The following DOCK1 variants were observed in gnomAD, a reference collection of about 807,000 sequenced individuals.
DOCK1 encodes the protein dedicator of cytokinesis 1.
In DOCK1, 138 loss-of-function variants were observed where a neutral mutation model predicts 262.7. The ratio of observed to expected loss-of-function variants is 0.53; its 90% CI spans 0.46 to 0.61. The LOEUF is 0.61. Among genes scored for constraint, DOCK1 ranks in the 20% least tolerant of loss-of-function variants. DOCK1 has a pLI of 0.00. For missense variants in DOCK1, 1,908 were observed against 2,370.7 expected, an observed-to-expected ratio of 0.80 and a Z score of 4.05; for synonymous variants, 866 against 867.4, an observed-to-expected ratio of 1.00 and a Z score of 0.03.
At chr10:127,352,866 T>TA (rs1192818284) in intron 31 of DOCK1, among the ~76,000 whole-genome samples, 1 of 152,098 alleles carries the variant, frequency 6.6e-6, no homozygotes, top group Non-Finnish European at 1.5e-5. Flanking sequence ...GTGCTGGGAT[T>TA]ACAGACGTGA....
chr10:127,200,709 A>T (rs2057415268), intron 27 of DOCK1, among the ~76,000 whole-genome samples: 2 of 152,208 alleles, frequency 1.3e-5, no homozygotes, highest in South Asian at 4.1e-4. Flanking sequence ...CGATATTATT[A>T]TCTTTAAAGT....
At chr10:127,162,116 G>T (rs2053641229) in intron 27 of DOCK1, among the ~76,000 whole-genome samples, 1 of 152,148 alleles carries the variant, frequency 6.6e-6, no homozygotes, top group African/African-American at 2.4e-5. Flanking sequence ...CTTTTCTCCA[G>T]CTCTTTCGCC....
intron 27 of DOCK1, among the ~76,000 whole-genome samples, chr10:127,163,624 C>T (rs7908501): frequency 0.31 from 46,849 of 151,898 alleles, 7,685 homozygotes; most frequent in African/African-American, 0.41. Context: ...AAATAGGACT[C>T]TCACAATTTT....
At chr10:127,004,784 C>CCCCCCCCCCCCA (rs1554970531) in intron 10 of DOCK1, among the ~76,000 whole-genome samples, 2 of 98,418 alleles carry the variant, frequency 2.0e-5, no homozygotes, top group Non-Finnish European at 4.5e-5. Context: ...CCCCCCGCCC[C>CCCCCCCCCCCCA]AAAAAAAAGA....
chr10:127,106,083 A>G (rs935431096), intron 23 of DOCK1, 148 bp from the exon 24 acceptor site: 13 of 792,414 alleles, frequency 1.6e-5, no homozygotes, highest in Admixed American at 8.5e-5. Context: ...TCTTTGCTCT[A>G]TTTTCATCGT....
At chr10:127,054,771 G>A (rs1450093455) in intron 22 of DOCK1, among the ~76,000 whole-genome samples, 1 of 152,136 alleles carries the variant, frequency 6.6e-6, no homozygotes, top group Non-Finnish European at 1.5e-5. Flanking sequence ...TTAATTTTGT[G>A]CAGTTTGTGA....
intron 21 of DOCK1, among the ~76,000 whole-genome samples, chr10:127,046,080 C>A (rs1389262842): frequency 6.6e-6 from 1 of 152,004 alleles, no homozygotes; most frequent in Non-Finnish European, 1.5e-5. Context: ...CTTTGCAAAT[C>A]ATTATTATTT....
At chr10:127,237,363 G>A (rs1294034473) in intron 27 of DOCK1, among the ~76,000 whole-genome samples, 19 of 134,744 alleles carry the variant, frequency 1.4e-4, no homozygotes, top group South Asian at 2.5e-4. Context: ...TCCATCTCAG[G>A]AAAAAAAAAA....
intron 23 of DOCK1, among the ~76,000 whole-genome samples, chr10:127,062,092 A>G (rs892373057): frequency 1.3e-5 from 2 of 151,746 alleles, no homozygotes; most frequent in African/African-American, 4.8e-5. Flanking sequence ...GCATGCCACC[A>G]TGCCTGGCAA....
intron 23 of DOCK1, among the ~76,000 whole-genome samples, chr10:127,079,098 T>C (rs2046745928): frequency 6.6e-6 from 1 of 152,178 alleles, no homozygotes; most frequent in Non-Finnish European, 1.5e-5. Flanking sequence ...CTTAATCAGG[T>C]TTGACAAATG....
At chr10:126,924,800 GA>G (rs2033553430) in intron 1 of DOCK1, among the ~76,000 whole-genome samples, 2 of 152,314 alleles carry the variant, frequency 1.3e-5, no homozygotes, top group South Asian at 4.1e-4. Flanking sequence ...TTAAAGGTGG[GA>G]TTAATGTGTA....
chr10:127,144,734 G>A (rs2489393), intron 27 of DOCK1, among the ~76,000 whole-genome samples: 152,305 of 152,346 alleles, frequency 1, 76,132 homozygotes, highest in Non-Finnish European at 1. Context: ...GTAGTTAACT[G>A]GCTTTTCAAC....
chr10:127,214,574 C>T (rs557792883), intron 27 of DOCK1, among the ~76,000 whole-genome samples: 20 of 152,314 alleles, frequency 1.3e-4, no homozygotes, highest in African/African-American at 4.3e-4. Flanking sequence ...TGGCAGCAAG[C>T]GTAACCCCTC....
intron 46 of DOCK1, among the ~76,000 whole-genome samples, chr10:127,422,158 CT>C (rs35535729): frequency 2.4e-3 from 146 of 61,378 alleles, no homozygotes; most frequent in Non-Finnish European, 3.6e-3. Context: ...TTTTGTTTGT[CT>C]TTTTTTTTTT....
chr10:127,348,467 G>A lies in DOCK1; in HGVS notation c.3224+4721G>A, dbSNP rs78390807. 6.9e-3 allele frequency among the ~76,000 whole-genome samples: 1,057 copies of A among 152,248 alleles called. 8 individuals are homozygous for A. The highest frequency in any genetic ancestry group is 0.024 in the African/African-American group (990 of 41,540). On this transcript the variant is annotated intron_variant, in intron 31 of 51. Coordinates refer to ENST00000623213, the MANE Select transcript of DOCK1 (RefSeq NM_001290223.2). ...CAAAGGAGCTTCTGTGTTCAGGACC[G>A]GAAGAGGAACAGGGTTCATGAATTG...
intron 38 of DOCK1, among the ~76,000 whole-genome samples, chr10:127,397,143 T>C (rs1324449844): frequency 7.1e-6 from 1 of 140,446 alleles, no homozygotes; most frequent in Non-Finnish European, 1.5e-5. Flanking sequence ...GAGCATCAGT[T>C]ACACGGGCAG....
At chr10:127,062,062 G>A (rs182281679) in intron 23 of DOCK1, among the ~76,000 whole-genome samples, 46 of 146,646 alleles carry the variant, frequency 3.1e-4, no homozygotes, top group Middle Eastern at 7.5e-3. Flanking sequence ...TCAGCCTCCC[G>A]AATTGCTGGG....
At chr10:127,055,195 G>A (rs563063026) in intron 22 of DOCK1, among the ~76,000 whole-genome samples, 5 of 152,058 alleles carry the variant, frequency 3.3e-5, no homozygotes, top group East Asian at 3.9e-4. Context: ...TGTGCAGCCC[G>A]GAGGAAGAGT....
At chr10:126,965,101 G>C (rs2037563436) in intron 1 of DOCK1, among the ~76,000 whole-genome samples, 1 of 152,214 alleles carries the variant, frequency 6.6e-6, no homozygotes, top group Non-Finnish European at 1.5e-5. Context: ...TTACAGATGA[G>C]CAACTCTACA....
Sources: gnomAD v4.1 joint callset for allele counts (sites outside exome capture counted in the v4.1 genomes callset) on GRCh38, gnomAD v4.1.1 for gene constraint, MANE v1.5 for transcripts, NCBI Gene and HGNC (gene_info 2026-07-23, HGNC 2026-07-21) for gene names.